The following ASCC3 variants were observed in gnomAD, a reference collection of about 807,000 sequenced individuals.
ASCC3 encodes the protein activating signal cointegrator 1 complex subunit 3, also known as ASC-1 complex subunit P200.
ASCC3 carries 158 observed loss-of-function variants against 256.3 expected under a neutral mutation model. That is an observed-to-expected ratio of 0.62 (90% confidence interval 0.54 to 0.70). ASCC3 has a LOEUF of 0.70. Among genes scored for constraint, ASCC3 ranks in the 30% least tolerant of loss-of-function variants. The pLI, the probability that ASCC3 is intolerant of heterozygous loss-of-function variation, is 0.00. For missense variants in ASCC3, 2,259 were observed against 2,626.0 expected, an observed-to-expected ratio of 0.86 and a Z score of 3.05; for synonymous variants, 948 against 883.4, an observed-to-expected ratio of 1.07 and a Z score of -1.30.
chr6:100,821,671 A>G (rs1052682015), intron 4 of ASCC3, among the ~76,000 whole-genome samples: 1 of 151,908 alleles, frequency 6.6e-6, no homozygotes, highest in African/African-American at 2.4e-5. Context: ...TAAAAATACA[A>G]AAGTTAGCTG....
intron 34 of ASCC3, among the ~76,000 whole-genome samples, chr6:100,596,658 A>G (rs984248967): frequency 3.3e-5 from 5 of 152,018 alleles, no homozygotes; most frequent in African/African-American, 1.2e-4. Context: ...TCTTCTTTCA[A>G]TCCTTAAATT....
In ASCC3 at chr6:100,767,302, A is replaced by G. The variant is rs758190077; in HGVS notation, c.1439T>C (p.Ile480Thr). ...AFKGMKRLNRIQSIVFETAYN... is the reference protein window; with the variant it reads ...AFKGMKRLNRTQSIVFETAYN... Reference sequence around the variant, plus strand: ...GGCAGTCTCAAACACTATTGACTGGATTCTATTGAGTCTCTTCATTCCTTT... The same window carrying G: ...GGCAGTCTCAAACACTATTGACTGGGTTCTATTGAGTCTCTTCATTCCTTT... The change falls in exon 9 of 42, where the codon ATC becomes ACC. Residue 480 changes from isoleucine (I) to threonine (T), a missense_variant. Transcript: ENST00000369162. 5 of 1,613,780 alleles carry G rather than the reference A, an allele frequency of 3.1e-6. No individual in the cohort carries two copies. The African/African-American group carries it at 4.0e-5, about 13-fold the overall frequency.
At chr6:100,850,615 T>C (rs2114510396) in intron 3 of ASCC3, among the ~76,000 whole-genome samples, 1 of 152,298 alleles carries the variant, frequency 6.6e-6, no homozygotes, top group Non-Finnish European at 1.5e-5. Context: ...CAATCATGTG[T>C]AGAAGATTAA....
intron 37 of ASCC3, among the ~76,000 whole-genome samples, chr6:100,524,352 A>T (rs1379039524): frequency 6.6e-6 from 1 of 152,198 alleles, no homozygotes; most frequent in Non-Finnish European, 1.5e-5. Context: ...CTAAAATTTT[A>T]AAATTAATTT....
chr6:100,817,654 C>T (rs939323638), intron 4 of ASCC3, among the ~76,000 whole-genome samples: 4 of 151,734 alleles, frequency 2.6e-5, no homozygotes, highest in African/African-American at 4.8e-5. Flanking sequence ...AATTGTATAT[C>T]AATATATTAT....
chr6:100,684,584 G>C (rs903494001), intron 13 of ASCC3, among the ~76,000 whole-genome samples: 1 of 152,138 alleles, frequency 6.6e-6, no homozygotes, highest in East Asian at 1.9e-4. Context: ...TTGCCTAAAA[G>C]ATTAAACAGA....
intron 36 of ASCC3, among the ~76,000 whole-genome samples, chr6:100,543,509 T>C (rs1307465692): frequency 1.3e-5 from 2 of 152,068 alleles, no homozygotes; most frequent in Non-Finnish European, 2.9e-5. Context: ...AGTAAAGGAA[T>C]AGAAAAAGAT....
chr6:100,662,132 T>A (rs1776250563), intron 15 of ASCC3, 102 bp from the exon 16 acceptor site: 4 of 1,250,044 alleles, frequency 3.2e-6, no homozygotes. Flanking sequence ...ATCTCAAAAG[T>A]GTACTTTAAC....
At chr6:100,784,920 A>G (rs1782619010) in intron 8 of ASCC3, among the ~76,000 whole-genome samples, 1 of 152,102 alleles carries the variant, frequency 6.6e-6, no homozygotes, top group Non-Finnish European at 1.5e-5. Flanking sequence ...TTGTAGTAAT[A>G]CAAAATAACT....
At chr6:100,546,020 G>T (rs1775704185) in intron 36 of ASCC3, among the ~76,000 whole-genome samples, 1 of 152,116 alleles carries the variant, frequency 6.6e-6, no homozygotes, top group Admixed American at 6.6e-5. Context: ...CATCAATGTA[G>T]AAAGTCCAAT....
At chr6:100,602,952 T>C (rs1281506892) in intron 33 of ASCC3, among the ~76,000 whole-genome samples, 1 of 152,074 alleles carries the variant, frequency 6.6e-6, no homozygotes. Context: ...TATGTTACTC[T>C]CAGGTCACCA....
At chr6:100,735,453 CTTA>C (rs1003832505) in intron 10 of ASCC3, among the ~76,000 whole-genome samples, 2 of 9,288 alleles carry the variant, frequency 2.2e-4, no homozygotes, top group East Asian at 9.8e-3. Context: ...TGTTTAACAT[CTTA>C]TTTTTTTTTT....
intron 6 of ASCC3, among the ~76,000 whole-genome samples, chr6:100,799,774 T>C (rs1422073337): frequency 6.6e-6 from 1 of 152,120 alleles, no homozygotes; most frequent in Admixed American, 6.6e-5. Flanking sequence ...ATATTATTTA[T>C]AGATAACACC....
chr6:100,800,576 C>A (rs1462004600), intron 5 of ASCC3, 72 bp from the exon 6 acceptor site: 3 of 1,144,800 alleles, frequency 2.6e-6, no homozygotes, highest in Admixed American at 2.0e-5. Context: ...AAAACCATTT[C>A]TTTCCTCCAC....
At chr6:100,676,754 ACACACACT>A (rs936614670) in intron 14 of ASCC3, among the ~76,000 whole-genome samples, 2 of 103,022 alleles carry the variant, frequency 1.9e-5, no homozygotes, top group East Asian at 3.6e-4. Flanking sequence ...GTGCGCGCAC[ACACACACT>A]CACACACACA....
At position 100,848,459 on chromosome 6, in the gene ASCC3, CA is replaced by C. The variant is rs747570359; in HGVS notation, c.489del (p.Phe163LeufsTer5). Reference sequence around the variant, plus strand: ...TCAAATGAAAATGCTAAATTTTTACCAAAAAAAACCCTATCGCCATGTTCTT... The same window carrying C: ...TCAAATGAAAATGCTAAATTTTTACCAAAAAAACCCTATCGCCATGTTCTT... ...TEKEHGDRVF[F>X]GKNLAFSFDM... is the part of the protein sequence containing the mutation. On this transcript the variant is annotated frameshift_variant, in exon 4 of 42. Transcript: ENST00000369162. LOFTEE classifies it high-confidence loss of function. 1.9e-6 allele frequency: 3 copies of C among 1,607,622 alleles called. No individual in the cohort carries two copies. The highest frequency in any genetic ancestry group is 1.7e-6 in the Non-Finnish European group (2 of 1,177,594).
At chr6:100,816,802 T>A (rs1183687995) in intron 4 of ASCC3, among the ~76,000 whole-genome samples, 1 of 152,030 alleles carries the variant, frequency 6.6e-6, no homozygotes, top group Non-Finnish European at 1.5e-5. Context: ...AACTAATAAG[T>A]TCCAGGCTTA....
chr6:100,700,864 G>A (rs1778322349), intron 13 of ASCC3, among the ~76,000 whole-genome samples: 1 of 152,202 alleles, frequency 6.6e-6, no homozygotes, highest in Non-Finnish European at 1.5e-5. Flanking sequence ...AAGCCCATAG[G>A]CAGACGGGAT....
chr6:100,757,581 C>T (rs1781237900), intron 10 of ASCC3, among the ~76,000 whole-genome samples: 3 of 16,726 alleles, frequency 1.8e-4, no homozygotes, highest in Non-Finnish European at 1.1e-3. Flanking sequence ...AAGGCACAAA[C>T]CACAGAAGAA....
Sources: gnomAD v4.1 joint callset for allele counts (sites outside exome capture counted in the v4.1 genomes callset) on GRCh38, gnomAD v4.1.1 for gene constraint, MANE v1.5 for transcripts, NCBI Gene and HGNC (gene_info 2026-07-23, HGNC 2026-07-21) for gene names.